The following DNAH10 variants were observed in gnomAD, a reference collection of about 807,000 sequenced individuals.
DNAH10 encodes the protein dynein axonemal heavy chain 10, also known as axonemal beta dynein heavy chain 10.
Under a neutral mutation model 506.6 loss-of-function variants are expected in DNAH10, and 348 were observed. That is an observed-to-expected ratio of 0.69 (90% confidence interval 0.63 to 0.75). The LOEUF is 0.75. DNAH10 is among the 30% of genes least tolerant of loss of function. The pLI is 0.00. For missense variants in DNAH10, 5,179 were observed against 5,787.1 expected (o/e 0.89, Z 3.41); for synonymous variants, 2,059 against 2,198.6 (o/e 0.94, Z 1.78).
In DNAH10 at chr12:123,808,936, T is replaced by C; in HGVS notation, c.3127T>C (p.Cys1043Arg). ...GATGTGCTTCCATTGTGTCCGGAATTGCGTGGAGATCACCAAGGTGAGAGC... is the reference window on the plus strand; with the variant it reads ...GATGTGCTTCCATTGTGTCCGGAATCGCGTGGAGATCACCAAGGTGAGAGC... ...DKMCFHCVRN[C>R]VEITKHFVRW... The change falls in exon 19 of 79, where the codon TGC becomes CGC. Residue 1043 changes from cysteine to arginine, a missense_variant. Physicochemically the swap from Cys to Arg is radical, Grantham distance 180 (BLOSUM62 -3). This residue lies in a region of DNAH10 where 4,844 missense variants were observed against 5,430.5 expected (regional missense o/e 0.89). Coordinates refer to ENST00000673944, the MANE Select transcript of DNAH10 (RefSeq NM_001372106.1). 6.2e-7 allele frequency: 1 copy of C among 1,614,128 alleles called. No homozygotes were observed. The highest frequency in any genetic ancestry group is 1.3e-5 in the African/African-American group (1 of 75,012).
chr12:123,857,596 C>T (rs900810336), intron 37 of DNAH10, among the ~76,000 whole-genome samples: 1 of 152,170 alleles, frequency 6.6e-6, no homozygotes, highest in Non-Finnish European at 1.5e-5. Context: ...GGCGTGGTGG[C>T]GCTCGCCTGT....
intron 39 of DNAH10, among the ~76,000 whole-genome samples, chr12:123,863,587 A>G (rs1951689239): frequency 6.6e-6 from 1 of 152,194 alleles, no homozygotes; most frequent in Non-Finnish European, 1.5e-5. Context: ...GCTTGTGACC[A>G]CATCATTTCA....
chr12:123,866,860 C>T (rs898648396), intron 41 of DNAH10, among the ~76,000 whole-genome samples: 14 of 152,212 alleles, frequency 9.2e-5, no homozygotes, highest in Admixed American at 3.9e-4. Context: ...GTGACAGTCA[C>T]GTGCGGGTTG....
intron 10 of DNAH10, among the ~76,000 whole-genome samples, chr12:123,789,201 T>C (rs1282857000): frequency 6.6e-6 from 1 of 151,714 alleles, no homozygotes. Context: ...TGAGCTATTG[T>C]GCCACTGCAC....
intron 9 of DNAH10, among the ~76,000 whole-genome samples, chr12:123,786,290 C>G (rs1957847897): frequency 6.7e-6 from 1 of 150,314 alleles, no homozygotes; most frequent in South Asian, 2.1e-4. Flanking sequence ...ACATTCCAAC[C>G]TGGGCGACAC....
chr12:123,818,088 A>C (rs941887458), intron 21 of DNAH10, among the ~76,000 whole-genome samples: 5 of 151,434 alleles, frequency 3.3e-5, no homozygotes, highest in Non-Finnish European at 5.9e-5. Flanking sequence ...AGCTGCAATT[A>C]TAGGCATGCG....
chr12:123,930,172 TC>T, intron 72 of DNAH10: 1 of 516,764 alleles, frequency 1.9e-6, no homozygotes, highest in East Asian at 3.1e-5. Context: ...TCCCAACACT[TC>T]CTGAGGGCTT....
chr12:123,838,978 A>G (rs1922255), intron 29 of DNAH10, among the ~76,000 whole-genome samples: 11,491 of 152,104 alleles, frequency 0.076, 1,244 homozygotes, highest in African/African-American at 0.24. Flanking sequence ...TGCCTGGCTA[A>G]TTTTTATATA....
At position 123,935,097 on chromosome 12, in the gene DNAH10, ACAG is replaced by A. The variant is rs755480646; in HGVS notation, c.13624-234_13624-232del. The stretch of plus-strand genomic sequence containing the variant: ...CATAAAGTGGTTCCCGCTGGTGTGG[ACAG>A]CAGATGTCTTCTGCTCTGCCTGGGC... On this transcript the variant is annotated intron_variant, in intron 78 of 78. Coordinates refer to ENST00000673944, the MANE Select transcript of DNAH10 (RefSeq NM_001372106.1). The A allele has an allele frequency of 8.2e-4, 490 of 599,860 alleles. 3 individuals are homozygous for A. Among genetic ancestry groups the A allele is most frequent in the Middle Eastern group, 4.4e-4 (1 of 2,268 alleles). The allele number at this position is 599,860 out of a possible 1,614,324, so 37.2% of individuals were successfully genotyped here. A position where few individuals can be genotyped will look rare whatever the true frequency, so the allele number is the denominator to read the frequency against.
intron 28 of DNAH10, among the ~76,000 whole-genome samples, chr12:123,837,749 A>C: frequency 6.6e-6 from 1 of 151,184 alleles, no homozygotes; most frequent in Non-Finnish European, 1.5e-5. Context: ...TAACTTAAAA[A>C]AAAAAAAATT....
At position 123,926,550 on chromosome 12, in the gene DNAH10, G is replaced by A. The variant is rs114470620; in HGVS notation, c.11922-87G>A. The A allele has an allele frequency of 2.5e-4, 356 of 1,419,306 alleles. No homozygotes were observed. In the African/African-American group the frequency reaches 4.4e-3, roughly 18 times the overall value. 87.9% of individuals were successfully genotyped at this position (1,419,306 alleles called of 1,614,324 possible). On this transcript the variant is annotated intron_variant, in intron 68 of 78. Coordinates refer to ENST00000673944, the MANE Select transcript of DNAH10 (RefSeq NM_001372106.1). This position sits in a 1 kb window ranked among gnomAD's most constrained non-coding sequence, Gnocchi z 4.1. ...GAGTGGTCAGAAGGTTCTGGACACC[G>A]GAGGAGGCAGCGCTGATCAGACAGA...
rs1207168251 is a variant in DNAH10, at chr12:123,934,780, C to A, written c.13623+14C>A. 1.2e-6 allele frequency: 2 copies of A among 1,612,912 alleles called. No individual in the cohort carries two copies. On this transcript the variant is annotated intron_variant, in intron 78 of 78. Coordinates refer to ENST00000673944, the MANE Select transcript of DNAH10 (RefSeq NM_001372106.1). Reference sequence around the variant, plus strand: ...CTCAAGCTGCAGGTGAAGGTCCCAGCCCCTCCTCTCTGACACCAGGGCCCT... The same window carrying A: ...CTCAAGCTGCAGGTGAAGGTCCCAGACCCTCCTCTCTGACACCAGGGCCCT...
At position 123,909,493 on chromosome 12, in the gene DNAH10, C is replaced by G. The variant is rs1953969601; in HGVS notation, c.9997+51C>G. ...GCCAGGGTGGATCTCGGTCTGGCAT[C>G]TCAGGCTCTGGGACAGGGATGGAGG... On this transcript the variant is annotated intron_variant, in intron 58 of 78. Coordinates refer to ENST00000673944, the MANE Select transcript of DNAH10 (RefSeq NM_001372106.1). The surrounding 1 kb of genome is among the most constrained non-coding windows in gnomAD (Gnocchi z 5.4). The G allele has an allele frequency of 6.7e-7, 1 of 1,493,570 alleles. No individual in the cohort carries two copies. Among genetic ancestry groups the G allele is most frequent in the African/African-American group, 1.4e-5 (1 of 71,006 alleles). 92.5% of individuals were successfully genotyped at this position (1,493,570 alleles called of 1,614,324 possible). A position where few individuals can be genotyped will look rare whatever the true frequency, so the allele number is the denominator to read the frequency against.
At chr12:123,783,297 T>C in intron 7 of DNAH10, 33 bp downstream of exon 7, 1 of 1,609,918 alleles carries the variant, frequency 6.2e-7, no homozygotes, top group Non-Finnish European at 8.5e-7. Flanking sequence ...AGAGCCCCGA[T>C]CCAGGTCATG....
At chr12:123,774,089 A>G (rs1957352699) in intron 4 of DNAH10, 60 bp from the exon 5 acceptor site, 1 of 1,064,288 alleles carries the variant, frequency 9.4e-7, no homozygotes, top group Non-Finnish European at 1.4e-6. Flanking sequence ...TCTCTTGGAA[A>G]TGTTAACTGT....
chr12:123,934,196 C>T, intron 77 of DNAH10: 1 of 701,250 alleles, frequency 1.4e-6, no homozygotes, highest in South Asian at 1.5e-5. Context: ...CCCCGGAGAC[C>T]ACTTTCTCTG....
intron 21 of DNAH10, 135 bp downstream of exon 21, chr12:123,814,047 T>A: frequency 1.3e-6 from 1 of 762,866 alleles, no homozygotes; most frequent in Non-Finnish European, 2.0e-6. Flanking sequence ...ATTGTAAATG[T>A]AAAGCAATGC....
intron 25 of DNAH10, among the ~76,000 whole-genome samples, chr12:123,827,423 C>T (rs1960105882): frequency 1.3e-5 from 2 of 152,188 alleles, no homozygotes; most frequent in Admixed American, 1.3e-4. Context: ...ATATCTATAG[C>T]CTATTTCAAC....
rs1290494189 is a variant in DNAH10, at chr12:123,789,980, G to A, written c.1674G>A (p.Gly558=). The A allele has an allele frequency of 6.2e-7, 1 of 1,614,000 alleles. No homozygotes were observed. The highest frequency in any genetic ancestry group is 2.2e-5 in the East Asian group (1 of 44,882). ...IFGPELKAVT[G]DPKRIDDVLC... is the part of the protein sequence containing the mutation. ...GTCCAGAACTAAAGGCAGTGACGGGGGACCCCAAGCGCATTGATGATGTCC... is the reference window on the plus strand; with the variant it reads ...GTCCAGAACTAAAGGCAGTGACGGGAGACCCCAAGCGCATTGATGATGTCC... Residue 558 remains glycine (G), a synonymous_variant, in exon 11 of 79, where the codon GGG becomes GGA. Coordinates refer to ENST00000673944, the MANE Select transcript of DNAH10 (RefSeq NM_001372106.1).
Sources: gnomAD v4.1 joint callset for allele counts (sites outside exome capture counted in the v4.1 genomes callset) on GRCh38, gnomAD v4.1.1 for gene constraint, gnomAD v4.1.1 regional missense constraint, Gnocchi (gnomAD v3.1) non-coding constraint, MANE v1.5 for transcripts, NCBI Gene and HGNC (gene_info 2026-07-23, HGNC 2026-07-21) for gene names.